CRACD: variants seen among roughly 807,000 people sequenced by gnomAD.
CRACD encodes the protein capping protein inhibiting regulator of actin dynamics, also known as capping protein-inhibiting regulator of actin dynamics.
Under a neutral mutation model 106.8 loss-of-function variants are expected in CRACD, and 56 were observed. That is an observed-to-expected ratio of 0.52 (90% CI 0.42 to 0.66). CRACD has a LOEUF of 0.66. Among genes scored for constraint, CRACD ranks in the 30% least tolerant of loss-of-function variants. The pLI, the probability that CRACD is intolerant of heterozygous loss-of-function variation, is 0.00. For synonymous variants in CRACD, 754 were observed against 670.8 expected (o/e 1.12, Z -1.92); for missense variants, 1,730 against 1,623.2 (o/e 1.07, Z -1.13).
intron 2 of CRACD, among the ~76,000 whole-genome samples, chr4:56,185,985 A>G (rs1737079672): frequency 6.6e-6 from 1 of 152,202 alleles, no homozygotes; most frequent in Non-Finnish European, 1.5e-5. Context: ...GGGGAGGCTG[A>G]TCACACCCAT....
intron 5 of CRACD, among the ~76,000 whole-genome samples, chr4:56,308,605 A>T (rs980480738): frequency 2.0e-5 from 3 of 152,216 alleles, no homozygotes; most frequent in Non-Finnish European, 2.9e-5. Flanking sequence ...CTGATGTGTC[A>T]TGAGAGTAGT....
chr4:56,122,456 G>A (rs76449295), intron 1 of CRACD, among the ~76,000 whole-genome samples: 3,132 of 152,172 alleles, frequency 0.021, 116 homozygotes, highest in African/African-American at 0.072. Context: ...CCTGTACCTG[G>A]ACAGCATACT....
chr4:56,189,899 A>G (rs1737287675), intron 2 of CRACD, among the ~76,000 whole-genome samples: 2 of 150,100 alleles, frequency 1.3e-5, no homozygotes, highest in Non-Finnish European at 3.0e-5. Context: ...TACATGTGCC[A>G]TGCTGGTGCG....
At chr4:56,279,204 G>C (rs1287971440) in intron 3 of CRACD, among the ~76,000 whole-genome samples, 1 of 152,184 alleles carries the variant, frequency 6.6e-6, no homozygotes, top group African/African-American at 2.4e-5. Context: ...TCCCCAGTGA[G>C]ATGCACCTGG....
intron 1 of CRACD, among the ~76,000 whole-genome samples, chr4:56,052,768 G>T (rs1731918618): frequency 6.6e-6 from 1 of 152,082 alleles, no homozygotes; most frequent in African/African-American, 2.4e-5. Context: ...TTCAAACTGA[G>T]TTCTCTCTGA....
rs910848379 is a variant in CRACD, at chr4:56,329,394, G to A, written c.*1590G>A. ...ATGCTCGCTCAATATGCAATGTGCT[G>A]TTATTCTACCATGTACCTTAAATAA... On this transcript the variant is annotated 3_prime_UTR_variant, in exon 11 of 11. Transcript: ENST00000682029. 6.6e-6 allele frequency among the ~76,000 whole-genome samples: 1 copy of A among 152,136 alleles called. No homozygotes were observed. Among genetic ancestry groups the A allele is most frequent in the Non-Finnish European group, 1.5e-5 (1 of 68,026 alleles).
rs138123185 is a variant in CRACD at position 56,179,128 on chromosome 4, G to A, written c.-335-156G>A. Among the ~76,000 whole-genome samples the A allele has an allele frequency of 1.5e-3, 229 of 151,486 alleles. 4 individuals carry two copies. The East Asian group carries it at 0.026, about 17-fold the overall frequency. ...AAATTTTGGCTAAACAGTGCAAATCGAATGTTGGTAAACCTAATTGGAAGA... is the reference window on the plus strand; with the variant it reads ...AAATTTTGGCTAAACAGTGCAAATCAAATGTTGGTAAACCTAATTGGAAGA... On this transcript the variant is annotated intron_variant, in intron 1 of 10. Transcript: ENST00000682029.
chr4:56,158,129 A>C (rs1382164605), intron 1 of CRACD, among the ~76,000 whole-genome samples: 1 of 152,242 alleles, frequency 6.6e-6, no homozygotes, highest in Non-Finnish European at 1.5e-5. Context: ...ACAACTACTC[A>C]TACTGAGGCC....
chr4:56,323,999 C>A, intron 9 of CRACD, 105 bp from the exon 10 acceptor site: 5 of 1,266,648 alleles, frequency 3.9e-6, no homozygotes, highest in Non-Finnish European at 5.5e-6. Flanking sequence ...CCGTTGGAAG[C>A]AGAGGTCAGG....
chr4:56,126,196 C>A (rs913593559), intron 1 of CRACD, among the ~76,000 whole-genome samples: 1 of 152,254 alleles, frequency 6.6e-6, no homozygotes, highest in Non-Finnish European at 1.5e-5. Flanking sequence ...AGCCTAATAA[C>A]GTATGCCAGG....
intron 2 of CRACD, among the ~76,000 whole-genome samples, chr4:56,195,192 C>T (rs915574181): frequency 6.6e-6 from 1 of 152,108 alleles, no homozygotes; most frequent in African/African-American, 2.4e-5. Context: ...TGGGAGGACA[C>T]ATGGCTCGCT....
chr4:56,291,619 A>C (rs1743709599), intron 3 of CRACD, among the ~76,000 whole-genome samples: 2 of 152,158 alleles, frequency 1.3e-5, no homozygotes, highest in Non-Finnish European at 2.9e-5. Flanking sequence ...CAAAGATTTA[A>C]TATTAGATTT....
intron 1 of CRACD, among the ~76,000 whole-genome samples, chr4:56,076,190 G>A (rs577824654): frequency 6.6e-6 from 1 of 152,238 alleles, no homozygotes; most frequent in South Asian, 2.1e-4. Context: ...CACACACAGA[G>A]GGAAAGACCA....
intron 1 of CRACD, among the ~76,000 whole-genome samples, chr4:56,105,992 T>A (rs1733938354): frequency 6.6e-6 from 1 of 152,118 alleles, no homozygotes; most frequent in African/African-American, 2.4e-5. Context: ...CCCCAAGCTC[T>A]GTCTCCGTTA....
intron 1 of CRACD, among the ~76,000 whole-genome samples, chr4:56,077,136 T>C (rs1732866153): frequency 1.3e-5 from 2 of 152,162 alleles, no homozygotes; most frequent in African/African-American, 4.8e-5. Context: ...GGGTAATTTA[T>C]AAAGAAAAGA....
chr4:56,119,778 G>A (rs6813221), intron 1 of CRACD, among the ~76,000 whole-genome samples: 79,500 of 151,942 alleles, frequency 0.52, 21,585 homozygotes, highest in African/African-American at 0.68. Context: ...TTAATTGGAC[G>A]CTTGCAGATA....
intron 1 of CRACD, among the ~76,000 whole-genome samples, chr4:56,086,445 C>G (rs1397642524): frequency 6.6e-6 from 1 of 152,106 alleles, no homozygotes; most frequent in Non-Finnish European, 1.5e-5. Context: ...GAGCCCAGCC[C>G]TTTCTGATAG....
At chr4:56,188,649 ATCTC>A (rs1304914289) in intron 2 of CRACD, among the ~76,000 whole-genome samples, 9 of 79,460 alleles carry the variant, frequency 1.1e-4, no homozygotes, top group Non-Finnish European at 1.4e-4. Context: ...CTCTCTCTCT[ATCTC>A]TCTATTTCTC....
chr4:56,175,342 CCTAT>C (rs1736538718), intron 1 of CRACD, among the ~76,000 whole-genome samples: 1 of 152,136 alleles, frequency 6.6e-6, no homozygotes, highest in Non-Finnish European at 1.5e-5. Flanking sequence ...TATGTTACTT[CCTAT>C]CTTTTTGTTA....
Sources: allele counts gnomAD v4.1 joint callset (sites outside exome capture counted in the v4.1 genomes callset), GRCh38; gene constraint gnomAD v4.1.1; transcripts MANE v1.5; gene names NCBI Gene and HGNC (gene_info 2026-07-23, HGNC 2026-07-21).